PIK3CA: variants seen among roughly 807,000 people sequenced by gnomAD.
PIK3CA encodes phosphatidylinositol-4,5-bisphosphate 3-kinase catalytic subunit alpha.
In PIK3CA, 27 loss-of-function variants were observed where a neutral mutation model predicts 138.2. The ratio of observed to expected loss-of-function variants is 0.20; its 90% confidence interval spans 0.14 to 0.27. The LOEUF is 0.27. PIK3CA is among the 10% of genes least tolerant of loss of function. The probability of loss-of-function intolerance (pLI) is 1.00; values close to 1 mark genes in which losing one functional copy is unlikely to be tolerated. For missense variants in PIK3CA, 544 were observed against 1,277.4 expected, an observed-to-expected ratio of 0.43 and a Z score of 8.75; for synonymous variants, 358 against 413.2, an observed-to-expected ratio of 0.87 and a Z score of 1.62.
At chr3:179,163,968 A>G (rs546473063) in intron 1 of PIK3CA, among the ~76,000 whole-genome samples, 1 of 152,272 alleles carries the variant, frequency 6.6e-6, no homozygotes, top group Admixed American at 6.5e-5. Context: ...TTGACCCAAT[A>G]ATTCTCTTTG....
intron 9 of PIK3CA, among the ~76,000 whole-genome samples, chr3:179,212,512 G>A (rs1007932480): frequency 2.0e-5 from 3 of 151,880 alleles, no homozygotes; most frequent in Non-Finnish European, 4.4e-5. Flanking sequence ...GCTGAGGCAG[G>A]AGAATCACTT....
intron 1 of PIK3CA, among the ~76,000 whole-genome samples, chr3:179,188,049 G>C (rs185602067): frequency 1.3e-5 from 2 of 152,344 alleles, no homozygotes; most frequent in African/African-American, 4.8e-5. Context: ...GAATTGGAGA[G>C]TTCTCCCTAG....
rs141796013 is a variant in PIK3CA, at chr3:179,166,638, G to C, written c.-77+18035G>C. Among the ~76,000 whole-genome samples the C allele has an allele frequency of 8.0e-3, 1,211 of 152,250 alleles. 9 individuals carry two copies. The highest frequency in any genetic ancestry group is 0.013 in the Non-Finnish European group (857 of 67,992). ...CCTTATGGGATGTCTACAAATATTT[G>C]TTTAATCAAATTGAGCTAATATTTA... On this transcript the variant is annotated intron_variant, in intron 1 of 20. Transcript: ENST00000263967.
Position 179,221,696 on chromosome 3 carries a change from C to CTTT in PIK3CA, c.2187+566_2187+568dup, listed in dbSNP as rs200211358. On this transcript the variant is annotated intron_variant, in intron 14 of 20. Transcript: ENST00000263967. ...CTAAGAGTAGGAAATACAATGTAAA[C>CTTT]TTTTTTTTTTTTTTTTTTTTTTTTT... Among the ~76,000 whole-genome samples the CTTT allele has an allele frequency of 3.9e-3, 299 of 77,584 alleles. 47 individuals are homozygous for CTTT. Among genetic ancestry groups the CTTT allele is most frequent in the African/African-American group, 0.014 (257 of 18,260 alleles). 50.9% of individuals were successfully genotyped at this position (77,584 alleles called of 152,430 possible).
chr3:179,195,153 G>C (rs1307150118), intron 1 of PIK3CA, among the ~76,000 whole-genome samples: 1 of 151,830 alleles, frequency 6.6e-6, no homozygotes, highest in East Asian at 1.9e-4. Flanking sequence ...CGGCATCTGA[G>C]CCACTCAGTA....
intron 1 of PIK3CA, among the ~76,000 whole-genome samples, chr3:179,180,755 C>G (rs759630123): frequency 4.6e-5 from 7 of 152,094 alleles, no homozygotes; most frequent in Non-Finnish European, 1.0e-4. Flanking sequence ...ATAAAAACAA[C>G]AGAGATCATT....
At chr3:179,216,455 A>ATATT (rs938932760) in intron 9 of PIK3CA, among the ~76,000 whole-genome samples, 30 of 152,266 alleles carry the variant, frequency 2.0e-4, no homozygotes, top group African/African-American at 6.3e-4. Context: ...CACTTTCTAA[A>ATATT]TGGACAAATG....
chr3:179,175,309 A>G (rs1560128681), intron 1 of PIK3CA, among the ~76,000 whole-genome samples: 1 of 152,156 alleles, frequency 6.6e-6, no homozygotes, highest in Non-Finnish European at 1.5e-5. Flanking sequence ...TTACCCAGAT[A>G]TTGCTCTGGT....
chr3:179,160,281 G>A (rs1723243486), intron 1 of PIK3CA, among the ~76,000 whole-genome samples: 3 of 152,194 alleles, frequency 2.0e-5, no homozygotes, highest in South Asian at 2.1e-4. Flanking sequence ...CATAACTAAT[G>A]TAAATATTGC....
chr3:179,179,243 T>G (rs1171067908), intron 1 of PIK3CA, among the ~76,000 whole-genome samples: 1 of 152,240 alleles, frequency 6.6e-6, no homozygotes, highest in Non-Finnish European at 1.5e-5. Flanking sequence ...AGCCCACATA[T>G]TCAACAACTG....
chr3:179,173,404 CAAAAAAA>C (rs749831764), intron 1 of PIK3CA, among the ~76,000 whole-genome samples: 145 of 43,114 alleles, frequency 3.4e-3, no homozygotes, highest in African/African-American at 6.3e-3. Flanking sequence ...GCTAAAAATA[CAAAAAAA>C]AAAAAAAAAA....
At chr3:179,174,193 G>A (rs933900802) in intron 1 of PIK3CA, among the ~76,000 whole-genome samples, 4 of 151,968 alleles carry the variant, frequency 2.6e-5, no homozygotes, top group East Asian at 1.9e-4. Flanking sequence ...ACATCAGGCC[G>A]AGCATGGTGG....
intron 1 of PIK3CA, among the ~76,000 whole-genome samples, chr3:179,158,710 T>G (rs1404374834): frequency 2.0e-5 from 3 of 152,154 alleles, no homozygotes; most frequent in African/African-American, 7.2e-5. Flanking sequence ...TGTGTAAACT[T>G]TACAAGTCAT....
intron 1 of PIK3CA, among the ~76,000 whole-genome samples, chr3:179,157,047 A>G (rs1723155272): frequency 6.6e-6 from 1 of 152,198 alleles, no homozygotes; most frequent in South Asian, 2.1e-4. Context: ...CATTAATGGG[A>G]AAATTTGCGG....
At chr3:179,162,912 A>T (rs1236408165) in intron 1 of PIK3CA, among the ~76,000 whole-genome samples, 1 of 152,148 alleles carries the variant, frequency 6.6e-6, no homozygotes. Context: ...TGTCTGAGAA[A>T]CTATAAACAG....
intron 9 of PIK3CA, among the ~76,000 whole-genome samples, chr3:179,216,896 C>G (rs1724848094): frequency 6.6e-6 from 1 of 151,956 alleles, no homozygotes; most frequent in Admixed American, 6.6e-5. Context: ...TATCTCTTTC[C>G]TGGACTACTG....
chr3:179,176,336 C>T (rs934806490), intron 1 of PIK3CA, among the ~76,000 whole-genome samples: 16 of 152,182 alleles, frequency 1.1e-4, no homozygotes, highest in African/African-American at 3.9e-4. Flanking sequence ...AATGGGGTTT[C>T]ATGAGAATTG....
chr3:179,185,847 C>T (rs1018778525), intron 1 of PIK3CA, among the ~76,000 whole-genome samples: 53 of 152,188 alleles, frequency 3.5e-4, no homozygotes, highest in African/African-American at 1.3e-3. Context: ...ACACCACCTT[C>T]CAGGAACCTC....
At position 179,218,011 on chromosome 3, in the gene PIK3CA, T is replaced by C. The variant is rs1568205; in HGVS notation, c.1540-199T>C. Among the ~76,000 whole-genome samples, 38,952 of 151,908 alleles carry C rather than the reference T, an allele frequency of 0.26. 5,926 individuals are homozygous for C. The highest frequency in any genetic ancestry group is 0.42 in the African/African-American group (17,516 of 41,450). Reference sequence around the variant, plus strand: ...ACCAAATAAATTACTGGATTTGTTCTACAAATATTATGTCTTAGATTGGTT... The same window carrying C: ...ACCAAATAAATTACTGGATTTGTTCCACAAATATTATGTCTTAGATTGGTT... On this transcript the variant is annotated intron_variant, in intron 9 of 20. Transcript: ENST00000263967.
Sources: allele counts gnomAD v4.1 joint callset (sites outside exome capture counted in the v4.1 genomes callset), GRCh38; gene constraint gnomAD v4.1.1; transcripts MANE v1.5; gene names NCBI Gene and HGNC (gene_info 2026-07-23, HGNC 2026-07-21).